The following RGS3 variants were observed in gnomAD, a reference collection of about 807,000 sequenced individuals.
The protein encoded by RGS3 is regulator of G protein signaling 3.
RGS3 carries 80 observed loss-of-function variants against 132.6 expected under a neutral mutation model. That is an observed-to-expected ratio of 0.60 (90% confidence interval 0.50 to 0.73). RGS3 has a LOEUF of 0.73. Ranked by LOEUF, RGS3 falls within the 30% of genes least tolerant of loss-of-function variation. The pLI is 0.00. For synonymous variants in RGS3, 598 were observed against 620.6 expected (o/e 0.96, Z 0.54); for missense variants, 1,382 against 1,530.8 (o/e 0.90, Z 1.62).
chr9:113,504,609 G>A (rs533151637), intron 10 of RGS3, among the ~76,000 whole-genome samples: 5 of 152,296 alleles, frequency 3.3e-5, no homozygotes, highest in South Asian at 2.1e-4. Context: ...GTGTACCCTC[G>A]TGCTCCTCTG....
At chr9:113,583,523 C>T (rs756795217) in exon 20 of RGS3, 43 of 1,614,076 alleles carry the variant, frequency 2.7e-5, no homozygotes, top group Non-Finnish European at 3.6e-5. Context: ...GCCGAGGATT[C>T]CCCACCCAGC....
intron 19 of RGS3, among the ~76,000 whole-genome samples, chr9:113,549,140 G>C (rs1266194257): frequency 6.6e-6 from 1 of 152,218 alleles, no homozygotes; most frequent in Non-Finnish European, 1.5e-5. Context: ...AGGCAGCTGA[G>C]GTAGTAGCAG....
At chr9:113,485,727 G>T (rs1830311702) in intron 7 of RGS3, 34 bp downstream of exon 5, 2 of 1,533,204 alleles carry the variant, frequency 1.3e-6, no homozygotes, top group African/African-American at 2.7e-5. Context: ...GGGGGACTCT[G>T]CTCTGGGCTA....
upstream of RGS3, among the ~76,000 whole-genome samples, chr9:113,459,627 G>A (rs534890674): frequency 6.6e-6 from 1 of 152,236 alleles, no homozygotes; most frequent in Admixed American, 6.5e-5. Flanking sequence ...GCGCGTGCCT[G>A]TAGTCTCAGC....
At chr9:113,567,810 T>A (rs1834079421) in intron 19 of RGS3, among the ~76,000 whole-genome samples, 1 of 152,212 alleles carries the variant, frequency 6.6e-6, no homozygotes, top group Non-Finnish European at 1.5e-5. Context: ...GGAGCTCAGC[T>A]CCCTGGACCC....
At chr9:113,487,554 G>A (rs929863772) in intron 7 of RGS3, among the ~76,000 whole-genome samples, 5 of 152,208 alleles carry the variant, frequency 3.3e-5, no homozygotes, top group African/African-American at 1.2e-4. Context: ...TGGAATCCAG[G>A]TGGTTGGACC....
At chr9:113,552,977 T>G (rs570459853) in intron 19 of RGS3, among the ~76,000 whole-genome samples, 9 of 152,192 alleles carry the variant, frequency 5.9e-5, no homozygotes, top group Admixed American at 1.3e-4. Flanking sequence ...TAAACATTAC[T>G]AAACTGAATA....
At chr9:113,530,713 A>T (rs1359742751) in intron 18 of RGS3, among the ~76,000 whole-genome samples, 1 of 152,118 alleles carries the variant, frequency 6.6e-6, no homozygotes, top group Non-Finnish European at 1.5e-5. Flanking sequence ...TGGCTTCCAG[A>T]GATTGTGAAG....
intron 1 of RGS3, among the ~76,000 whole-genome samples, chr9:113,454,410 C>G (rs918984279): frequency 2.3e-4 from 35 of 151,940 alleles, no homozygotes; most frequent in Non-Finnish European, 4.3e-4. Context: ...GAGTTTGAGA[C>G]CAGCCTGGCC....
At chr9:113,526,049 C>T (rs770538610) in intron 17 of RGS3, among the ~76,000 whole-genome samples, 13 of 152,210 alleles carry the variant, frequency 8.5e-5, no homozygotes, top group Non-Finnish European at 1.9e-4. Flanking sequence ...TCCGGTCAGC[C>T]GGGGCCCATT....
intron 10 of RGS3, among the ~76,000 whole-genome samples, chr9:113,500,938 C>T (rs775977781): frequency 6.6e-6 from 1 of 152,172 alleles, no homozygotes; most frequent in Non-Finnish European, 1.5e-5. Context: ...GATCCATCTG[C>T]CTTGGCCTCC....
chr9:113,559,572 C>T (rs969785556), intron 19 of RGS3, among the ~76,000 whole-genome samples: 6 of 152,144 alleles, frequency 3.9e-5, no homozygotes, highest in African/African-American at 1.2e-4. Context: ...TCATCCATTG[C>T]GGTCTCAAGT....
At chr9:113,529,052 CGTAGCCAA>C (rs1201523326) in intron 17 of RGS3, among the ~76,000 whole-genome samples, 161 bp from the exon 16 acceptor site, 1 of 152,212 alleles carries the variant, frequency 6.6e-6, no homozygotes, top group Non-Finnish European at 1.5e-5. Context: ...TGGTTAGTTA[CGTAGCCAA>C]TTTTCCTCCA....
At chr9:113,554,646 C>T (rs968916400) in intron 19 of RGS3, among the ~76,000 whole-genome samples, 3 of 152,154 alleles carry the variant, frequency 2.0e-5, no homozygotes, top group African/African-American at 7.2e-5. Context: ...TCTGCTTTGG[C>T]TTGTCAGTTC....
rs149077355 is a variant in RGS3, at chr9:113,582,363, T to C, written c.2038-1087T>C. On this transcript the variant is annotated intron_variant, in intron 19 of 24. Coordinates refer to ENST00000350696, the Ensembl canonical transcript of RGS3. ...TTACCCCTGAAGTTTTCTGCCAGTG[T>C]GCGCGTGTGCCCGCAGGTGCACACA... 51 of 262,628 alleles carry C rather than the reference T, an allele frequency of 1.9e-4. No individual in the cohort carries two copies. In the East Asian group the frequency reaches 7.8e-3, roughly 40 times the overall value. The allele number at this position is 262,628 out of a possible 1,614,324, so 16.3% of individuals were successfully genotyped here.
intron 19 of RGS3, among the ~76,000 whole-genome samples, chr9:113,544,257 T>G (rs1442088058): frequency 6.6e-6 from 1 of 152,080 alleles, no homozygotes; most frequent in Non-Finnish European, 1.5e-5. Context: ...AGTGATTCTT[T>G]TAGTTCCCCA....
At chr9:113,519,208 C>G (rs1831818648) in intron 16 of RGS3, among the ~76,000 whole-genome samples, 1 of 152,106 alleles carries the variant, frequency 6.6e-6, no homozygotes, top group African/African-American at 2.4e-5. Context: ...AGGAATGGAG[C>G]CGGGTCATTT....
At chr9:113,555,970 A>G (rs1238783244) in intron 19 of RGS3, among the ~76,000 whole-genome samples, 1 of 152,142 alleles carries the variant, frequency 6.6e-6, no homozygotes. Flanking sequence ...TAATTTTTCC[A>G]GAAAGGGTCT....
intron 1 of RGS3, among the ~76,000 whole-genome samples, chr9:113,452,866 C>T (rs1215978977): frequency 7.5e-6 from 1 of 134,022 alleles, no homozygotes; most frequent in Non-Finnish European, 1.6e-5. Flanking sequence ...ATATTTTTCA[C>T]CTCTAGTTGT....
Sources: gnomAD v4.1 joint callset for allele counts (sites outside exome capture counted in the v4.1 genomes callset) on GRCh38, gnomAD v4.1.1 for gene constraint, MANE v1.5 for transcripts, NCBI Gene and HGNC (gene_info 2026-07-23, HGNC 2026-07-21) for gene names.